The following APCDD1L variants were observed in gnomAD, a reference collection of about 807,000 sequenced individuals.
The protein encoded by APCDD1L is protein APCDD1-like.
Under a neutral mutation model 24.2 loss-of-function variants are expected in APCDD1L, and 21 were observed. That is an observed-to-expected ratio of 0.87 (90% confidence interval 0.61 to 1.25). APCDD1L has a LOEUF of 1.25. APCDD1L is among the 50% of genes most tolerant of loss of function. The pLI, the probability that APCDD1L is intolerant of heterozygous loss-of-function variation, is 0.00. For synonymous variants in APCDD1L, 321 were observed against 323.6 expected (o/e 0.99, Z 0.09); for missense variants, 704 against 711.7 (o/e 0.99, Z 0.12).
intron 2 of APCDD1L, 24 bp downstream of exon 2, chr20:58,470,585 G>A (rs766383390): frequency 1.3e-6 from 2 of 1,575,318 alleles, no homozygotes; most frequent in South Asian, 1.2e-5. Context: ...AGGGGTCCAT[G>A]GTCAGGATGA....
chr20:58,489,199 C>T (rs1216849839), intron 1 of APCDD1L, among the ~76,000 whole-genome samples: 1 of 152,074 alleles, frequency 6.6e-6, no homozygotes, highest in Non-Finnish European at 1.5e-5. Context: ...ATAACCCAAA[C>T]CAACACCAAA....
chr20:58,474,150 G>T (rs1268202787), intron 1 of APCDD1L, among the ~76,000 whole-genome samples: 1 of 152,234 alleles, frequency 6.6e-6, no homozygotes, highest in Non-Finnish European at 1.5e-5. Context: ...GAGGCCCAAG[G>T]CCAGGTGCTT....
intron 1 of APCDD1L, among the ~76,000 whole-genome samples, chr20:58,511,763 C>G (rs1226651200): frequency 6.6e-6 from 1 of 152,074 alleles, no homozygotes; most frequent in Non-Finnish European, 1.5e-5. Flanking sequence ...AGTTTTTATT[C>G]TGGGTTTCAA....
chr20:58,486,210 TA>T (rs1990114870), intron 1 of APCDD1L, among the ~76,000 whole-genome samples: 1 of 152,068 alleles, frequency 6.6e-6, no homozygotes, highest in Non-Finnish European at 1.5e-5. Context: ...TTTAATAAAG[TA>T]AAACATGGAA....
Position 58,481,633 on chromosome 20 carries a change from C to A in APCDD1L, c.50-10886G>T, listed in dbSNP as rs534917441. ...GGAGGAACCCCAGCGTCGGGGGAGG[C>A]ACACCACTCACCGAGCTGTTCTTGG... On this transcript the variant is annotated intron_variant, in intron 1 of 3. Coordinates refer to ENST00000371149, the MANE Select transcript of APCDD1L (RefSeq NM_153360.3). Among the ~76,000 whole-genome samples the A allele has an allele frequency of 7.2e-5, 11 of 152,318 alleles. No individual in the cohort carries two copies. The East Asian group carries it at 1.7e-3, about 24-fold the overall frequency.
At chr20:58,496,041 T>C (rs1333472792) in intron 1 of APCDD1L, among the ~76,000 whole-genome samples, 1 of 152,234 alleles carries the variant, frequency 6.6e-6, no homozygotes, top group African/African-American at 2.4e-5. Context: ...GTCTTTAGGA[T>C]AATTTTTATG....
intron 1 of APCDD1L, among the ~76,000 whole-genome samples, chr20:58,498,513 C>T (rs1990367577): frequency 6.6e-6 from 1 of 152,182 alleles, no homozygotes; most frequent in Non-Finnish European, 1.5e-5. Flanking sequence ...GGCCCTTGTA[C>T]AGGAAGAAAG....
chr20:58,509,649 GA>G (rs1990591286), intron 1 of APCDD1L, among the ~76,000 whole-genome samples: 1 of 152,184 alleles, frequency 6.6e-6, no homozygotes, highest in South Asian at 2.1e-4. Flanking sequence ...ACCAGGCTCT[GA>G]ATGGGGGCAG....
At chr20:58,499,707 T>C (rs1448621719) in intron 1 of APCDD1L, among the ~76,000 whole-genome samples, 1 of 152,184 alleles carries the variant, frequency 6.6e-6, no homozygotes, top group Non-Finnish European at 1.5e-5. Context: ...CTTCACACCC[T>C]GCTTCCACCC....
intron 1 of APCDD1L, among the ~76,000 whole-genome samples, chr20:58,511,654 A>C (rs1409118596): frequency 6.6e-6 from 1 of 152,214 alleles, no homozygotes; most frequent in Admixed American, 6.5e-5. Context: ...GGAAGTCTCC[A>C]TTGATAATTT....
intron 2 of APCDD1L, among the ~76,000 whole-genome samples, chr20:58,468,557 T>C (rs1176378109): frequency 6.6e-6 from 1 of 152,134 alleles, no homozygotes; most frequent in East Asian, 1.9e-4. Flanking sequence ...GGTACCCTCT[T>C]GTACTGCTAT....
chr20:58,470,836 G>A (rs1989799140), intron 1 of APCDD1L, 89 bp from the exon 2 acceptor site: 1 of 1,461,284 alleles, frequency 6.8e-7, no homozygotes, highest in East Asian at 2.5e-5. Context: ...TGGCCACAGA[G>A]AGCCAGGCAG....
At chr20:58,505,130 T>C (rs1208711335) in intron 1 of APCDD1L, among the ~76,000 whole-genome samples, 1 of 152,256 alleles carries the variant, frequency 6.6e-6, no homozygotes, top group Non-Finnish European at 1.5e-5. Context: ...TTCATATGTT[T>C]TCTTTTTTTT....
rs377349435 is a variant in APCDD1L, at chr20:58,502,669, C to A, written c.49+11990G>T. Among the ~76,000 whole-genome samples the A allele has an allele frequency of 4.6e-5, 7 of 151,034 alleles. 1 individual carries two copies. The East Asian group carries it at 1.4e-3, about 29-fold the overall frequency. ...GACATGCTTACTCATTTAAGCTCTC[C>A]TAAATTAGAATTTGAAGTAGAGAGA... On this transcript the variant is annotated intron_variant, in intron 1 of 3. Transcript: ENST00000371149.
At chr20:58,465,799 T>G (rs1989693813) in intron 3 of APCDD1L, among the ~76,000 whole-genome samples, 1 of 152,148 alleles carries the variant, frequency 6.6e-6, no homozygotes, top group South Asian at 2.1e-4. Context: ...ACTGGAAACA[T>G]GGTTTGCAGT....
chr20:58,506,926 G>T lies in APCDD1L; in HGVS notation c.49+7733C>A, dbSNP rs574436937. Among the ~76,000 whole-genome samples, 3 of 152,318 alleles carry T rather than the reference G, an allele frequency of 2.0e-5. No homozygotes were observed. In the South Asian group the frequency reaches 6.2e-4, roughly 32 times the overall value. ...CTTTCACTGGAGGGTGGCAGTTGAG[G>T]CAAGAAGCTTGGTGGTCCACAAATC... On this transcript the variant is annotated intron_variant, in intron 1 of 3. Transcript: ENST00000371149.
rs148393493 is a variant in APCDD1L at position 58,470,636 on chromosome 20, C to T, written c.161G>A (p.Arg54His). The change falls in exon 2 of 4, where the codon CGC becomes CAC. Residue 54 changes from arginine to histidine, a missense_variant. By Grantham distance (29) the Arg-to-His change is conservative. Coordinates refer to ENST00000371149, the MANE Select transcript of APCDD1L (RefSeq NM_153360.3). ...RVPSTAILPP[R>H]LNGPWISTGC... is the part of the protein sequence containing the mutation. ...TGTGGAGATCCAAGGTCCATTAAGG[C>T]GTGGAGGCAGGATCGCAGTGCTGGG... is the stretch of plus-strand genomic sequence containing the variant. 215 of 1,584,208 alleles carry T rather than the reference C, an allele frequency of 1.4e-4. No individual in the cohort carries two copies. Among genetic ancestry groups the T allele is most frequent in the Non-Finnish European group, 1.7e-4 (194 of 1,165,106 alleles).
At chr20:58,483,176 A>G (rs1420575565) in intron 1 of APCDD1L, among the ~76,000 whole-genome samples, 2 of 152,130 alleles carry the variant, frequency 1.3e-5, no homozygotes, top group Non-Finnish European at 2.9e-5. Context: ...GGTGTGAACT[A>G]GCAGAGAGAG....
intron 1 of APCDD1L, among the ~76,000 whole-genome samples, chr20:58,485,723 G>A (rs761396411): frequency 2.6e-5 from 4 of 152,174 alleles, no homozygotes; most frequent in Non-Finnish European, 4.4e-5. Context: ...TCAGCATTCT[G>A]CTTCTGCAAT....
Sources: gnomAD v4.1 joint callset for allele counts (sites outside exome capture counted in the v4.1 genomes callset) on GRCh38, gnomAD v4.1.1 for gene constraint, MANE v1.5 for transcripts, NCBI Gene and HGNC (gene_info 2026-07-23, HGNC 2026-07-21) for gene names.